The following KCNQ1OT1 variants were observed in gnomAD, a reference collection of about 807,000 sequenced individuals.
KCNQ1OT1 encodes KCNQ1 antisense RNA 2 (non-protein coding).
In KCNQ1OT1 at chr11:2,671,165, T is replaced by C. The variant is rs914297938; in HGVS notation, n.28830A>G. ...GAGGCCTGAGGTGCCATCTTAGAAA[T>C]AGGGCCTTGTTAGGAGAAAAGGAAA... On this transcript the variant is annotated non_coding_transcript_exon_variant, in exon 1 of 1. Transcript: ENST00000597346. This position sits in a 1 kb window ranked among gnomAD's most constrained non-coding sequence, Gnocchi z 4.7. The C allele has an allele frequency of 1.0e-5, 4 of 398,354 alleles. No individual in the cohort carries two copies. Among genetic ancestry groups the C allele is most frequent in the South Asian group, 2.5e-4 (2 of 7,846 alleles). 24.7% of individuals were successfully genotyped at this position (398,354 alleles called of 1,614,324 possible).
At position 2,653,979 on chromosome 11, in the gene KCNQ1OT1, C is replaced by T; in HGVS notation, n.46016G>A. On this transcript the variant is annotated non_coding_transcript_exon_variant, in exon 1 of 1. Coordinates refer to ENST00000597346, the Ensembl canonical transcript of KCNQ1OT1. The surrounding 1 kb of genome is among the most constrained non-coding windows in gnomAD (Gnocchi z 5.3). ...GGTGTCCACTCAAGCAAGGTATTTT[C>T]CTAAGCGGAACTGGGTGCCAGCTGT... 2.5e-6 allele frequency: 1 copy of T among 398,698 alleles called. No homozygotes were observed. Among genetic ancestry groups the T allele is most frequent in the Non-Finnish European group, 4.4e-6 (1 of 226,090 alleles). The allele number at this position is 398,698 out of a possible 1,614,324, so 24.7% of individuals were successfully genotyped here. A position where few individuals can be genotyped will look rare whatever the true frequency, so the allele number is the denominator to read the frequency against.
Position 2,657,105 on chromosome 11 carries a change from C to T in KCNQ1OT1, n.42890G>A, listed in dbSNP as rs763384197. The T allele has an allele frequency of 1.0e-5, 4 of 398,632 alleles. No homozygotes were observed. Among genetic ancestry groups the T allele is most frequent in the East Asian group, 7.1e-5 (2 of 28,072 alleles). 24.7% of individuals were successfully genotyped at this position (398,632 alleles called of 1,614,324 possible). A position where few individuals can be genotyped will look rare whatever the true frequency, so the allele number is the denominator to read the frequency against. The stretch of plus-strand genomic sequence containing the variant: ...TTTGTCTCTCCCTGTGTCAATACCA[C>T]ATTGCCCTAATGACCACTGCCTTGG... On this transcript the variant is annotated non_coding_transcript_exon_variant, in exon 1 of 1. Coordinates refer to ENST00000597346, the Ensembl canonical transcript of KCNQ1OT1. The surrounding 1 kb of genome is among the most constrained non-coding windows in gnomAD (Gnocchi z 4.8).
At chr11:2,656,724 A>G in exon 1 of KCNQ1OT1, 1 of 398,504 alleles carries the variant, frequency 2.5e-6, no homozygotes, top group Non-Finnish European at 4.4e-6. Context: ...TCTTAACTCT[A>G]ATGTCAAATT....
exon 1 of KCNQ1OT1, chr11:2,689,080 G>A (rs929176620): frequency 2.3e-4 from 93 of 398,740 alleles, no homozygotes; most frequent in African/African-American, 1.7e-3. Flanking sequence ...TGGCACATCC[G>A]GCCTGGAAGT....
rs183069955 is a variant in KCNQ1OT1 at position 2,666,642 on chromosome 11, T to C, written n.33353A>G. 51 of 398,688 alleles carry C rather than the reference T, an allele frequency of 1.3e-4. 1 individual carries two copies. In the East Asian group the frequency reaches 1.5e-3, roughly 12 times the overall value. The allele number at this position is 398,688 out of a possible 1,614,324, so 24.7% of individuals were successfully genotyped here. On this transcript the variant is annotated non_coding_transcript_exon_variant, in exon 1 of 1. Transcript: ENST00000597346. ...AAGGGTGGCCCCAAATTTGGCTTCA[T>C]GGACCAAGGGGCTAGCTCTTTTGAT... is the stretch of plus-strand genomic sequence containing the variant.
rs1302026554 is a variant in KCNQ1OT1 at position 2,609,156 on chromosome 11, T to G, written n.90839A>C. On this transcript the variant is annotated non_coding_transcript_exon_variant, in exon 1 of 1. Transcript: ENST00000597346. ...GAAGCCTTATTTTTTGATATAGGCA[T>G]TCATAGCTATAAAATTCCATCTTTA... is the stretch of plus-strand genomic sequence containing the variant. 5.0e-6 allele frequency: 2 copies of G among 398,202 alleles called. 1 individual carries two copies. 24.7% of individuals were successfully genotyped at this position (398,202 alleles called of 1,614,324 possible). A position where few individuals can be genotyped will look rare whatever the true frequency, so the allele number is the denominator to read the frequency against.
At chr11:2,650,879 G>T (rs1200474280) in exon 1 of KCNQ1OT1, 4 of 398,528 alleles carry the variant, frequency 1.0e-5, no homozygotes, top group African/African-American at 6.2e-5. Context: ...AGTCAGAGGG[G>T]ATGAGGAGCA....
chr11:2,654,896 G>A lies in KCNQ1OT1; in HGVS notation n.45099C>T, dbSNP rs1217769802. On this transcript the variant is annotated non_coding_transcript_exon_variant, in exon 1 of 1. Coordinates refer to ENST00000597346, the Ensembl canonical transcript of KCNQ1OT1. The surrounding 1 kb of genome is among the most constrained non-coding windows in gnomAD (Gnocchi z 6.4). ...TATTCTGGCAACTCTAGGATAAGAT[G>A]TGCAAGGTCGTGGGCCAGAGAGCAA... The A allele has an allele frequency of 2.3e-5, 9 of 398,480 alleles. No individual in the cohort carries two copies. The South Asian group carries it at 3.8e-4, about 17-fold the overall frequency. The allele number at this position is 398,480 out of a possible 1,614,324, so 24.7% of individuals were successfully genotyped here.
At position 2,695,477 on chromosome 11, in the gene KCNQ1OT1, T is replaced by C; in HGVS notation, n.4518A>G. On this transcript the variant is annotated non_coding_transcript_exon_variant, in exon 1 of 1. Coordinates refer to ENST00000597346, the Ensembl canonical transcript of KCNQ1OT1. The surrounding 1 kb of genome is among the most constrained non-coding windows in gnomAD (Gnocchi z 5.2). ...AGCACTGTGTTTCCACGCGTCTCTA[T>C]CTTGTGAAGTGTACATCTAGTCCCC... 1 of 398,670 alleles carries C rather than the reference T, an allele frequency of 2.5e-6. No homozygotes were observed. The highest frequency in any genetic ancestry group is 4.4e-6 in the Non-Finnish European group (1 of 226,114). The allele number at this position is 398,670 out of a possible 1,614,324, so 24.7% of individuals were successfully genotyped here. A position where few individuals can be genotyped will look rare whatever the true frequency, so the allele number is the denominator to read the frequency against.
rs886927928 is a variant in KCNQ1OT1 at position 2,631,820 on chromosome 11, T to C, written n.68175A>G. On this transcript the variant is annotated non_coding_transcript_exon_variant, in exon 1 of 1. Transcript: ENST00000597346. ...CCTTGGTGGCCAAGGCTGAGTGTCC[T>C]GATGCTGTCGTGTAAATAGAGTTGT... 1.2e-4 allele frequency: 48 copies of C among 398,664 alleles called. No individual in the cohort carries two copies. The Middle Eastern group carries it at 2.5e-3, about 21-fold the overall frequency. 24.7% of individuals were successfully genotyped at this position (398,664 alleles called of 1,614,324 possible). A position where few individuals can be genotyped will look rare whatever the true frequency, so the allele number is the denominator to read the frequency against.
exon 1 of KCNQ1OT1, chr11:2,680,557 A>T: frequency 2.5e-6 from 1 of 398,580 alleles, no homozygotes; most frequent in Non-Finnish European, 4.4e-6. Context: ...GAAACAACAC[A>T]GAGAAATCTT....
At chr11:2,693,243 A>G (rs1850617760) in exon 1 of KCNQ1OT1, 1 of 398,652 alleles carries the variant, frequency 2.5e-6, no homozygotes, top group Non-Finnish European at 4.4e-6. Flanking sequence ...GCCCAGGGCT[A>G]CCTGTACAGC....
exon 1 of KCNQ1OT1, chr11:2,619,822 C>T (rs1297147402): frequency 2.5e-6 from 1 of 397,130 alleles, no homozygotes; most frequent in Non-Finnish European, 4.4e-6. Context: ...GCTATCTGGT[C>T]CTGGGCTTTT....
rs1278955265 is a variant in KCNQ1OT1, at chr11:2,673,402, C to T, written n.26593G>A. 2 of 398,570 alleles carry T rather than the reference C, an allele frequency of 5.0e-6. No individual in the cohort carries two copies. Among genetic ancestry groups the T allele is most frequent in the Admixed American group, 8.8e-5 (2 of 22,722 alleles). The allele number at this position is 398,570 out of a possible 1,614,324, so 24.7% of individuals were successfully genotyped here. ...TCCCCTTGGCCTTTGTTTAGCCCAC[C>T]TTCTGCCTAGGCACCAGGCCTGGAG... is the stretch of plus-strand genomic sequence containing the variant. On this transcript the variant is annotated non_coding_transcript_exon_variant, in exon 1 of 1. Coordinates refer to ENST00000597346, the Ensembl canonical transcript of KCNQ1OT1. This position sits in a 1 kb window ranked among gnomAD's most constrained non-coding sequence, Gnocchi z 4.5.
At chr11:2,692,287 G>C (rs1850601075) in exon 1 of KCNQ1OT1, 5 of 398,792 alleles carry the variant, frequency 1.3e-5, no homozygotes, top group Non-Finnish European at 2.2e-5. Flanking sequence ...AGTTCTAGAG[G>C]TTCCCTGCTT....
Position 2,657,520 on chromosome 11 carries a change from T to G in KCNQ1OT1, n.42475A>C. ...TTTATTTACAGAAGAGAAACAAAAA[T>G]AGTACCGAGTACCCACATCCCTTTC... is the stretch of plus-strand genomic sequence containing the variant. On this transcript the variant is annotated non_coding_transcript_exon_variant, in exon 1 of 1. Transcript: ENST00000597346. The surrounding 1 kb of genome is among the most constrained non-coding windows in gnomAD (Gnocchi z 4.8). 2.5e-6 allele frequency: 1 copy of G among 398,584 alleles called. No individual in the cohort carries two copies. Among genetic ancestry groups the G allele is most frequent in the East Asian group, 3.6e-5 (1 of 28,054 alleles). The allele number at this position is 398,584 out of a possible 1,614,324, so 24.7% of individuals were successfully genotyped here.
Position 2,627,187 on chromosome 11 carries a change from T to G in KCNQ1OT1, n.72808A>C. On this transcript the variant is annotated non_coding_transcript_exon_variant, in exon 1 of 1. Transcript: ENST00000597346. The surrounding 1 kb of genome is among the most constrained non-coding windows in gnomAD (Gnocchi z 4.9). The stretch of plus-strand genomic sequence containing the variant: ...GTTATTCTTGATGCTTTTTTCAGCT[T>G]TTATTGAGGTATAATTGACAAATTA... 2.5e-6 allele frequency: 1 copy of G among 398,578 alleles called. No homozygotes were observed. The highest frequency in any genetic ancestry group is 4.4e-6 in the Non-Finnish European group (1 of 226,048). 24.7% of individuals were successfully genotyped at this position (398,578 alleles called of 1,614,324 possible).
exon 1 of KCNQ1OT1, chr11:2,633,696 G>C (rs1282604953): frequency 5.0e-6 from 2 of 398,214 alleles, no homozygotes; most frequent in African/African-American, 2.1e-5. Context: ...TTTACTTCTG[G>C]GTTCTCTATT....
Position 2,682,324 on chromosome 11 carries a change from G to A in KCNQ1OT1, n.17671C>T, listed in dbSNP as rs993211240. 3 of 398,500 alleles carry A rather than the reference G, an allele frequency of 7.5e-6. No individual in the cohort carries two copies. In the Admixed American group the frequency reaches 1.3e-4, roughly 18 times the overall value. The allele number at this position is 398,500 out of a possible 1,614,324, so 24.7% of individuals were successfully genotyped here. ...CCCCTCCCATTCTTAATGTGTAACT[G>A]TGTGTTTATTTGTGGTAAAGGGTTT... On this transcript the variant is annotated non_coding_transcript_exon_variant, in exon 1 of 1. Coordinates refer to ENST00000597346, the Ensembl canonical transcript of KCNQ1OT1. The surrounding 1 kb of genome is among the most constrained non-coding windows in gnomAD (Gnocchi z 5.8).
Sources: allele counts gnomAD v4.1 joint callset, GRCh38; gene constraint gnomAD v4.1.1; non-coding constraint Gnocchi (gnomAD v3.1); transcripts MANE v1.5; gene names NCBI Gene and HGNC (gene_info 2026-07-23, HGNC 2026-07-21).